TTK: variants seen among roughly 807,000 people sequenced by gnomAD.
TTK encodes TTK protein kinase, also known as dual specificity protein kinase TTK.
In TTK, 59 loss-of-function variants were observed where a neutral mutation model predicts 117.3. The ratio of observed to expected loss-of-function variants is 0.50; its 90% CI spans 0.41 to 0.62. TTK has a LOEUF of 0.62. Ranked by LOEUF, TTK falls within the 20% of genes least tolerant of loss-of-function variation. The pLI is 0.00. For missense variants in TTK, 921 were observed against 989.4 expected, an observed-to-expected ratio of 0.93 and a Z score of 0.93; for synonymous variants, 302 against 325.0, an observed-to-expected ratio of 0.93 and a Z score of 0.76.
chr6:80,018,315 G>A (rs1767365585), intron 10 of TTK, among the ~76,000 whole-genome samples: 1 of 152,006 alleles, frequency 6.6e-6, no homozygotes, highest in Non-Finnish European at 1.5e-5. Flanking sequence ...ACACAGTTAT[G>A]TTTGAAAATA....
chr6:80,015,519 G>A (rs1247276688), intron 10 of TTK, among the ~76,000 whole-genome samples: 1 of 152,132 alleles, frequency 6.6e-6, no homozygotes, highest in Admixed American at 6.6e-5. Flanking sequence ...CAGGGACTTT[G>A]CTGAAAGTCC....
intron 13 of TTK, among the ~76,000 whole-genome samples, chr6:80,028,340 C>T (rs1403342875): frequency 2.0e-5 from 3 of 150,484 alleles, no homozygotes; most frequent in Admixed American, 6.6e-5. Context: ...TTTTTTGAGA[C>T]AGAGTCTCGC....
At chr6:80,013,583 A>G (rs768854196) in intron 9 of TTK, 5 of 391,616 alleles carry the variant, frequency 1.3e-5, no homozygotes, top group Non-Finnish European at 2.3e-5. Context: ...AAGGATCAAC[A>G]ATCTTTTAAG....
chr6:80,031,408 T>A, intron 13 of TTK, 59 bp from the exon 14 acceptor site: 1 of 997,926 alleles, frequency 1.0e-6, no homozygotes, highest in Non-Finnish European at 1.4e-6. Flanking sequence ...CTGTACCAAA[T>A]GTAAGCTAGT....
Position 80,007,991 on chromosome 6 carries a change from A to ACCCG in TTK, c.322_323insCCCG (p.Ser108ThrfsTer5). 559 of 1,588,732 alleles carry ACCCG rather than the reference A, an allele frequency of 3.5e-4. No individual in the cohort carries two copies. Among genetic ancestry groups the ACCCG allele is most frequent in the Middle Eastern group, 6.7e-4 (4 of 6,008 alleles). ...CCCAGATAAATATGGCCAAAATGAG[A>ACCCG]GTTTTGCTAGAATTCAAGTGAGATT... On this transcript the variant is annotated frameshift_variant, in exon 3 of 22. Coordinates refer to ENST00000369798, the MANE Select transcript of TTK (RefSeq NM_003318.5). LOFTEE classifies it high-confidence loss of function.
At chr6:80,037,066 T>C (rs893045926) in intron 17 of TTK, among the ~76,000 whole-genome samples, 1 of 152,148 alleles carries the variant, frequency 6.6e-6, no homozygotes, top group African/African-American at 2.4e-5. Flanking sequence ...ATAAGTATTA[T>C]AAGCAACATT....
chr6:80,041,962 CT>C (rs1171239026), intron 21 of TTK, among the ~76,000 whole-genome samples, 156 bp from the exon 22 acceptor site: 6 of 151,558 alleles, frequency 4.0e-5, no homozygotes, highest in Admixed American at 3.3e-4. Context: ...GTTTAAAATT[CT>C]TTATTATCTC....
At chr6:80,037,458 AG>A (rs1176405205) in intron 17 of TTK, 1 of 152,610 alleles carries the variant, frequency 6.6e-6, no homozygotes, top group African/African-American at 2.4e-5. Context: ...AGAAACTCAG[AG>A]GACTACTGTG....
At chr6:80,025,365 A>G (rs1002401281) in intron 11 of TTK, among the ~76,000 whole-genome samples, 3 of 152,236 alleles carry the variant, frequency 2.0e-5, no homozygotes, top group East Asian at 3.8e-4. Context: ...AAAGTAGGAT[A>G]GATTTAGTCA....
At chr6:80,029,301 T>C (rs1281540700) in intron 13 of TTK, among the ~76,000 whole-genome samples, 1 of 152,128 alleles carries the variant, frequency 6.6e-6, no homozygotes, top group African/African-American at 2.4e-5. Context: ...TACCTAAAAA[T>C]GGTTAAAGTG....
chr6:80,020,320 T>C (rs569120185), intron 10 of TTK, among the ~76,000 whole-genome samples: 5 of 152,318 alleles, frequency 3.3e-5, no homozygotes, highest in Non-Finnish European at 5.9e-5. Context: ...TATCCTTTTT[T>C]TCCCCTTTTT....
chr6:80,006,663 G>A (rs1010010131), intron 2 of TTK, among the ~76,000 whole-genome samples: 12 of 152,094 alleles, frequency 7.9e-5, no homozygotes, highest in Admixed American at 2.6e-4. Flanking sequence ...AAACACAAAT[G>A]TTTTATTTGT....
intron 4 of TTK, among the ~76,000 whole-genome samples, chr6:80,009,355 G>A (rs1382168341): frequency 6.6e-6 from 1 of 152,072 alleles, no homozygotes; most frequent in Admixed American, 6.6e-5. Flanking sequence ...AATAATTTGA[G>A]AACCCTGAAT....
At chr6:80,038,098 C>A in intron 18 of TTK, 51 bp downstream of exon 18, 1 of 1,357,034 alleles carries the variant, frequency 7.4e-7, no homozygotes, top group Non-Finnish European at 1.0e-6. Flanking sequence ...GTAGGGAATG[C>A]ACTATTTTCT....
chr6:80,008,581 A>T (rs1040613064), intron 4 of TTK, 89 bp downstream of exon 4: 1 of 1,198,516 alleles, frequency 8.3e-7, no homozygotes, highest in Non-Finnish European at 1.1e-6. Flanking sequence ...TATGAAGTGG[A>T]AATTTGAGGC....
chr6:80,042,090 C>G (rs1443018315), intron 21 of TTK, 29 bp from the exon 22 acceptor site: 3 of 1,464,874 alleles, frequency 2.0e-6, no homozygotes, highest in South Asian at 1.5e-5. Context: ...TAAAAAATTG[C>G]AAAACAGATT....
chr6:80,031,412 A>C (rs572240513), intron 13 of TTK, 55 bp from the exon 14 acceptor site: 2 of 1,035,600 alleles, frequency 1.9e-6, no homozygotes, highest in African/African-American at 1.7e-5. Context: ...ACCAAATGTA[A>C]GCTAGTTTCT....
intron 8 of TTK, 125 bp downstream of exon 8, chr6:80,012,105 A>G (rs2127716822): frequency 1.3e-6 from 1 of 755,556 alleles, no homozygotes; most frequent in Non-Finnish European, 2.0e-6. Flanking sequence ...TTAGAAGATA[A>G]TCTCTAAATG....
At position 80,010,869 on chromosome 6, in the gene TTK, A is replaced by G. The variant is rs775794689; in HGVS notation, c.525A>G (p.Val175=). ...LLQKAVERGA[V]PLEMLEIALR... is the part of the protein sequence containing the mutation. The stretch of plus-strand genomic sequence containing the variant: ...AAAAAGCTGTAGAACGTGGAGCAGT[A>G]CCACTAGAAATGCTGGAAATTGCCC... Residue 175 remains valine, a synonymous_variant, in exon 5 of 22, where the codon GTA becomes GTG. Coordinates refer to ENST00000369798, the MANE Select transcript of TTK (RefSeq NM_003318.5). 1.2e-6 allele frequency: 2 copies of G among 1,612,496 alleles called. No individual in the cohort carries two copies. The highest frequency in any genetic ancestry group is 1.7e-6 in the Non-Finnish European group (2 of 1,178,870).
Sources: gnomAD v4.1 joint callset for allele counts (sites outside exome capture counted in the v4.1 genomes callset) on GRCh38, gnomAD v4.1.1 for gene constraint, MANE v1.5 for transcripts, NCBI Gene and HGNC (gene_info 2026-07-23, HGNC 2026-07-21) for gene names.